Variants in NXPH1 observed in about 807,000 individuals in gnomAD.
The protein encoded by NXPH1 is neurexophilin-1.
NXPH1 carries 5 observed loss-of-function variants against 23.7 expected under a neutral mutation model. The ratio of observed to expected loss-of-function variants is 0.21; its 90% CI spans 0.11 to 0.44. NXPH1 has a LOEUF of 0.44. Among genes scored for constraint, NXPH1 ranks in the 20% least tolerant of loss-of-function variants. The probability of loss-of-function intolerance (pLI) is 0.99; values close to 1 mark genes in which losing one functional copy is unlikely to be tolerated. For missense variants in NXPH1, 324 were observed against 321.6 expected (o/e 1.01, Z -0.06); for synonymous variants, 144 against 122.2 (o/e 1.18, Z -1.18).
chr7:8,615,046 C>T (rs552986557), intron 2 of NXPH1, among the ~76,000 whole-genome samples: 7 of 152,022 alleles, frequency 4.6e-5, no homozygotes, highest in Admixed American at 2.0e-4. Context: ...TAATTCTCAT[C>T]TCTTCTTTCT....
chr7:8,460,478 C>G (rs1266587785), intron 2 of NXPH1, among the ~76,000 whole-genome samples: 1 of 152,128 alleles, frequency 6.6e-6, no homozygotes, highest in African/African-American at 2.4e-5. Context: ...AAACTTGACT[C>G]CTCTTTGCAT....
intron 2 of NXPH1, among the ~76,000 whole-genome samples, chr7:8,573,087 G>GTT (rs1194314320): frequency 2.1e-5 from 3 of 143,460 alleles, no homozygotes; most frequent in Admixed American, 7.0e-5. Context: ...CTTTCTCTGA[G>GTT]TTTTTTTTTT....
intron 2 of NXPH1, among the ~76,000 whole-genome samples, chr7:8,451,814 G>A (rs183042335): frequency 9.9e-5 from 15 of 152,176 alleles, no homozygotes; most frequent in African/African-American, 2.9e-4. Flanking sequence ...GAGAAAGGTC[G>A]ATCATGAGCT....
intron 2 of NXPH1, among the ~76,000 whole-genome samples, chr7:8,460,543 T>C (rs1268618446): frequency 6.6e-6 from 1 of 152,198 alleles, no homozygotes; most frequent in Non-Finnish European, 1.5e-5. Flanking sequence ...TAATAGAATG[T>C]GATCAATGGG....
chr7:8,473,134 C>G (rs570837440), intron 2 of NXPH1, among the ~76,000 whole-genome samples: 3 of 152,152 alleles, frequency 2.0e-5, no homozygotes, highest in African/African-American at 7.2e-5. Context: ...ATCTTTCTTA[C>G]CATTTTCGTA....
At chr7:8,515,442 T>C (rs1434874218) in intron 2 of NXPH1, among the ~76,000 whole-genome samples, 1 of 152,170 alleles carries the variant, frequency 6.6e-6, no homozygotes, top group Non-Finnish European at 1.5e-5. Context: ...AAATTGTGGA[T>C]ACTTGAACAG....
chr7:8,673,151 A>G, intron 2 of NXPH1, among the ~76,000 whole-genome samples: 1 of 152,192 alleles, frequency 6.6e-6, no homozygotes, highest in Admixed American at 6.6e-5. Context: ...AAATACCACC[A>G]CCACCCAATT....
At chr7:8,522,685 T>C (rs919795133) in intron 2 of NXPH1, among the ~76,000 whole-genome samples, 8 of 152,226 alleles carry the variant, frequency 5.3e-5, no homozygotes, top group African/African-American at 1.9e-4. Flanking sequence ...AATTTTCCTA[T>C]TTAAAGGCTG....
chr7:8,718,722 T>G (rs2115204486), intron 2 of NXPH1, among the ~76,000 whole-genome samples: 1 of 152,284 alleles, frequency 6.6e-6, no homozygotes, highest in Admixed American at 6.5e-5. Context: ...TACTTAGACA[T>G]CTCCAGGAAG....
chr7:8,500,416 A>T (rs937637420), intron 2 of NXPH1, among the ~76,000 whole-genome samples: 3 of 152,062 alleles, frequency 2.0e-5, no homozygotes, highest in Non-Finnish European at 4.4e-5. Context: ...CTTGAGTTTG[A>T]ATTCGAGCGT....
At chr7:8,508,339 T>C (rs1433817304) in intron 2 of NXPH1, among the ~76,000 whole-genome samples, 1 of 152,116 alleles carries the variant, frequency 6.6e-6, no homozygotes, top group Non-Finnish European at 1.5e-5. Context: ...TGAGTACATC[T>C]CTGAGCTTTG....
At chr7:8,642,668 A>T (rs1252758792) in intron 2 of NXPH1, among the ~76,000 whole-genome samples, 1 of 152,198 alleles carries the variant, frequency 6.6e-6, no homozygotes, top group Non-Finnish European at 1.5e-5. Flanking sequence ...ATCATCAATA[A>T]ATAATGACTT....
intron 2 of NXPH1, among the ~76,000 whole-genome samples, chr7:8,648,048 G>A (rs1820424316): frequency 6.6e-6 from 1 of 152,044 alleles, no homozygotes; most frequent in African/African-American, 2.4e-5. Context: ...CATACTAAGT[G>A]TATATATTTA....
At chr7:8,699,875 G>A (rs1779595950) in intron 2 of NXPH1, among the ~76,000 whole-genome samples, 1 of 152,046 alleles carries the variant, frequency 6.6e-6, no homozygotes, top group African/African-American at 2.4e-5. Flanking sequence ...TTTGTCTTAT[G>A]GATAGAAAGG....
At chr7:8,441,801 G>A (rs1563311206) in intron 2 of NXPH1, among the ~76,000 whole-genome samples, 1 of 152,216 alleles carries the variant, frequency 6.6e-6, no homozygotes, top group Non-Finnish European at 1.5e-5. Context: ...TCGCGGGTTG[G>A]TGGCTGTTGT....
intron 2 of NXPH1, among the ~76,000 whole-genome samples, chr7:8,662,057 A>G (rs983928726): frequency 6.6e-6 from 1 of 152,016 alleles, no homozygotes; most frequent in Non-Finnish European, 1.5e-5. Flanking sequence ...CTTCCCGGAT[A>G]GATTCCAACC....
chr7:8,723,087 G>A (rs564982482), intron 2 of NXPH1, among the ~76,000 whole-genome samples: 11 of 152,192 alleles, frequency 7.2e-5, no homozygotes, highest in African/African-American at 1.2e-4. Flanking sequence ...ATTTTAAACC[G>A]TTGCAAACAT....
chr7:8,720,757 C>G (rs189907661), intron 2 of NXPH1, among the ~76,000 whole-genome samples: 1 of 152,296 alleles, frequency 6.6e-6, no homozygotes, highest in African/African-American at 2.4e-5. Flanking sequence ...TCTGCAACTA[C>G]TAAAAACATT....
chr7:8,618,596 G>A (rs191196454), intron 2 of NXPH1, among the ~76,000 whole-genome samples: 13 of 152,258 alleles, frequency 8.5e-5, no homozygotes, highest in African/African-American at 2.6e-4. Flanking sequence ...CAGGCAATGA[G>A]ACATTCCTGA....
Sources: gnomAD v4.1 joint callset for allele counts (sites outside exome capture counted in the v4.1 genomes callset) on GRCh38, gnomAD v4.1.1 for gene constraint, MANE v1.5 for transcripts, NCBI Gene and HGNC (gene_info 2026-07-23, HGNC 2026-07-21) for gene names.